The following CEP350 variants were observed in gnomAD, a reference collection of about 807,000 sequenced individuals.
The protein encoded by CEP350 is centrosomal protein 350, also known as centrosome-associated protein 350.
CEP350 carries 126 observed loss-of-function variants against 331.8 expected under a neutral mutation model. That is an observed-to-expected ratio of 0.38 (90% CI 0.33 to 0.44). The LOEUF (loss-of-function observed/expected upper bound fraction) is 0.44. Ranked by LOEUF, CEP350 falls within the 20% of genes least tolerant of loss-of-function variation. CEP350 has a pLI of 1.00. For missense variants in CEP350, 3,406 were observed against 3,634.6 expected (o/e 0.94, Z 1.62); for synonymous variants, 1,200 against 1,259.5 (o/e 0.95, Z 1.00).
At chr1:180,084,724 A>G (rs1659759367) in intron 31 of CEP350, among the ~76,000 whole-genome samples, 1 of 152,094 alleles carries the variant, frequency 6.6e-6, no homozygotes, top group Non-Finnish European at 1.5e-5. Flanking sequence ...AAAATTGGCT[A>G]CATATAGTGG....
In CEP350 at chr1:180,112,708, G is replaced by T. The variant is rs1360058138; in HGVS notation, c.*1547G>T. On this transcript the variant is annotated 3_prime_UTR_variant, in exon 38 of 38. Transcript: ENST00000367607. ...TTTACAAATATCCTGGAATGTTATA[G>T]CTTCAAAGTATATTAGAAAAACCCC... 1.3e-5 allele frequency: 2 copies of T among 152,564 alleles called. No individual in the cohort carries two copies. Among genetic ancestry groups the T allele is most frequent in the African/African-American group, 2.4e-5 (1 of 41,414 alleles). The allele number at this position is 152,564 out of a possible 1,614,324, so 9.5% of individuals were successfully genotyped here.
rs777875233 is a variant in CEP350 at position 179,987,276 on chromosome 1, C to G, written c.110C>G (p.Thr37Ser). 1 of 1,558,292 alleles carries G rather than the reference C, an allele frequency of 6.4e-7. No individual in the cohort carries two copies. Among genetic ancestry groups the G allele is most frequent in the African/African-American group, 1.4e-5 (1 of 73,814 alleles). ...ACATCGTGGGATGCACTTTCTCAAACCAAGGCTGCTGTAAGTAGTTTTAGC... is the reference window on the plus strand; with the variant it reads ...ACATCGTGGGATGCACTTTCTCAAAGCAAGGCTGCTGTAAGTAGTTTTAGC... ...ITTSWDALSQ[T>S]KAALRHIENK... Residue 37 changes from threonine (T) to serine (S), a missense_variant, in exon 3 of 38, where the codon ACC (threonine) becomes AGC (serine). Around this residue, in one of 5 missense-constraint regions of CEP350, gnomAD observed 1,857 missense variants for 1,909.2 expected, o/e 0.97. Transcript: ENST00000367607.
At chr1:179,994,545 C>G (rs1449480089) in intron 5 of CEP350, among the ~76,000 whole-genome samples, 1 of 151,442 alleles carries the variant, frequency 6.6e-6, no homozygotes, top group Non-Finnish European at 1.5e-5. Context: ...CCTTGATCTC[C>G]TAGGCTCAAG....
chr1:180,077,111 T>C (rs1659268136), intron 28 of CEP350, among the ~76,000 whole-genome samples: 2 of 152,138 alleles, frequency 1.3e-5, no homozygotes, highest in African/African-American at 4.8e-5. Context: ...AATAAAACTA[T>C]ACACATAGGT....
chr1:180,009,044 CT>C (rs1473959960), intron 8 of CEP350, among the ~76,000 whole-genome samples: 2 of 152,178 alleles, frequency 1.3e-5, no homozygotes, highest in Admixed American at 1.3e-4. Flanking sequence ...GAGACAGAGT[CT>C]TGCTCTGTCA....
Position 180,092,641 on chromosome 1 carries a change from C to A in CEP350, c.6536C>A (p.Ser2179Ter). Reference sequence around the variant, plus strand: ...GCTTCACTGTCTGGTTCTGAGAGATCAGTATCAGAAAGGTCTTTATCTGCA... The same window carrying A: ...GCTTCACTGTCTGGTTCTGAGAGATAAGTATCAGAAAGGTCTTTATCTGCA... ...VDASLSGSERSVSERSLSAYA... is the reference protein window; with the variant it reads ...VDASLSGSER The change falls in exon 34 of 38, where the codon TCA (serine) becomes TAA (stop). Residue 2179 changes from serine to a stop codon, truncating the protein, a stop_gained. Coordinates refer to ENST00000367607, the MANE Select transcript of CEP350 (RefSeq NM_014810.5). LOFTEE classifies it high-confidence loss of function. 1 of 1,589,884 alleles carries A rather than the reference C, an allele frequency of 6.3e-7. No individual in the cohort carries two copies. Among genetic ancestry groups the A allele is most frequent in the Non-Finnish European group, 8.6e-7 (1 of 1,168,032 alleles).
At chr1:179,996,482 A>G in intron 5 of CEP350, 71 bp from the exon 6 acceptor site, 2 of 1,106,944 alleles carry the variant, frequency 1.8e-6, no homozygotes, top group Non-Finnish European at 2.5e-6. Context: ...CTTAAAATCT[A>G]CTCTTAGCAA....
intron 34 of CEP350, chr1:180,095,276 G>A (rs1329848949): frequency 5.8e-6 from 2 of 346,328 alleles, no homozygotes; most frequent in East Asian, 4.7e-5. Context: ...CAAAAAGCGG[G>A]GAGAGCCCTA....
At chr1:180,071,851 C>T (rs1202996666) in intron 27 of CEP350, among the ~76,000 whole-genome samples, 1 of 152,090 alleles carries the variant, frequency 6.6e-6, no homozygotes, top group Non-Finnish European at 1.5e-5. Context: ...ATAATGATTT[C>T]CATACTAGAC....
Position 180,031,508 on chromosome 1 carries a change from T to C in CEP350, c.3725+14T>C. ...ACATTCTGTGAGGTAATGTATATTTTATACTGTAATTTATATATAATTAAA... is the reference window on the plus strand; with the variant it reads ...ACATTCTGTGAGGTAATGTATATTTCATACTGTAATTTATATATAATTAAA... On this transcript the variant is annotated intron_variant, in intron 15 of 37. Transcript: ENST00000367607. The C allele has an allele frequency of 8.2e-7, 1 of 1,222,340 alleles. No individual in the cohort carries two copies. The highest frequency in any genetic ancestry group is 1.1e-6 in the Non-Finnish European group (1 of 930,642). 75.7% of individuals were successfully genotyped at this position (1,222,340 alleles called of 1,614,324 possible). A position where few individuals can be genotyped will look rare whatever the true frequency, so the allele number is the denominator to read the frequency against.
chr1:180,100,772 T>C (rs1435186799), intron 37 of CEP350, among the ~76,000 whole-genome samples: 3 of 152,146 alleles, frequency 2.0e-5, no homozygotes, highest in Admixed American at 6.5e-5. Flanking sequence ...GATGAATACA[T>C]GGCAGCAGTA....
At chr1:180,081,781 C>T (rs1659582859) in intron 30 of CEP350, among the ~76,000 whole-genome samples, 1 of 152,150 alleles carries the variant, frequency 6.6e-6, no homozygotes, top group Admixed American at 6.5e-5. Context: ...AATATTATGA[C>T]TCACATGTGT....
At position 180,013,914 on chromosome 1, in the gene CEP350, C is replaced by G; in HGVS notation, c.1461C>G (p.Asn487Lys). Residue 487 changes from asparagine to lysine, a missense_variant, in exon 10 of 38, where the codon AAC (asparagine) becomes AAG (lysine). By Grantham distance (94) the Asn-to-Lys change is moderately conservative. This residue lies in a region of CEP350 where 1,857 missense variants were observed against 1,909.2 expected (regional missense o/e 0.97). Transcript: ENST00000367607. ...TTTTACATAGACATCTTCAAAGAAA[C>G]TCAGAACGTTCGAGAAGTAAATCTC... ...LDVLHRHLQR[N>K]SERSRSKSRS... 6.2e-7 allele frequency: 1 copy of G among 1,613,738 alleles called. No individual in the cohort carries two copies. Among genetic ancestry groups the G allele is most frequent in the Non-Finnish European group, 8.5e-7 (1 of 1,179,794 alleles).
chr1:179,974,589 C>T (rs965620995), intron 1 of CEP350, among the ~76,000 whole-genome samples: 1 of 152,196 alleles, frequency 6.6e-6, no homozygotes, highest in African/African-American at 2.4e-5. Flanking sequence ...ATGTGTGTCT[C>T]TCCTCTACTT....
At chr1:180,037,736 G>A (rs1293158528) in intron 17 of CEP350, among the ~76,000 whole-genome samples, 6 of 151,990 alleles carry the variant, frequency 3.9e-5, no homozygotes, top group Admixed American at 2.0e-4. Flanking sequence ...TGCAAGCTCC[G>A]CTTCCCAGGT....
chr1:180,061,558 T>C (rs1658232838), intron 25 of CEP350, among the ~76,000 whole-genome samples: 1 of 152,210 alleles, frequency 6.6e-6, no homozygotes, highest in African/African-American at 2.4e-5. Flanking sequence ...TTGACAATTA[T>C]TAGCAGTGAA....
At chr1:180,034,516 A>G (rs1191560348) in intron 16 of CEP350, among the ~76,000 whole-genome samples, 1 of 151,628 alleles carries the variant, frequency 6.6e-6, no homozygotes, top group Non-Finnish European at 1.5e-5. Context: ...ATGGCATTGA[A>G]CAAATTCATC....
At chr1:180,103,687 A>G (rs1660959466) in intron 37 of CEP350, among the ~76,000 whole-genome samples, 1 of 151,946 alleles carries the variant, frequency 6.6e-6, no homozygotes, top group African/African-American at 2.4e-5. Flanking sequence ...ATCTTTACTC[A>G]GTTCTGGAAA....
intron 7 of CEP350, among the ~76,000 whole-genome samples, chr1:180,005,442 A>G (rs73032387): frequency 0.017 from 2,523 of 151,940 alleles, 70 homozygotes; most frequent in African/African-American, 0.057. Context: ...ATTGTCTGAA[A>G]TATACTTAGA....
Sources: allele counts gnomAD v4.1 joint callset (sites outside exome capture counted in the v4.1 genomes callset), GRCh38; gene constraint gnomAD v4.1.1; regional missense constraint gnomAD v4.1.1; transcripts MANE v1.5; gene names NCBI Gene and HGNC (gene_info 2026-07-23, HGNC 2026-07-21).